Variants in CD44 observed in about 807,000 individuals in gnomAD.
CD44 encodes CD44 molecule (IN blood group), also known as CD44 antigen.
CD44 carries 49 observed loss-of-function variants against 88.8 expected under a neutral mutation model. That is an observed-to-expected ratio of 0.55 (90% confidence interval 0.44 to 0.70). The LOEUF (loss-of-function observed/expected upper bound fraction) is 0.70, where lower values mean the gene tolerates loss of function less well. Ranked by LOEUF, CD44 falls within the 30% of genes least tolerant of loss-of-function variation. The pLI is 0.00. For synonymous variants in CD44, 325 were observed against 312.3 expected, an observed-to-expected ratio of 1.04 and a Z score of -0.43; for missense variants, 883 against 913.8, an observed-to-expected ratio of 0.97 and a Z score of 0.43.
rs116582562 is a variant in CD44 at position 35,201,269 on chromosome 11, G to A, written c.1036+74G>A. On this transcript the variant is annotated intron_variant, in intron 8 of 17. Coordinates refer to ENST00000428726, the MANE Select transcript of CD44 (RefSeq NM_000610.4). ...CATGATGCTGCAAAGGTCAATCATC[G>A]AGGCACAGTGGGAAATTTAGTTAAT... is the stretch of plus-strand genomic sequence containing the variant. 1.0e-4 allele frequency: 102 copies of A among 1,021,432 alleles called. No individual in the cohort carries two copies. In the African/African-American group the frequency reaches 1.5e-3, roughly 15 times the overall value. 63.3% of individuals were successfully genotyped at this position (1,021,432 alleles called of 1,614,324 possible).
chr11:35,219,174 C>A, intron 15 of CD44, 142 bp from the exon 16 acceptor site: 1 of 656,730 alleles, frequency 1.5e-6, no homozygotes. Context: ...TTGTGTAATG[C>A]TTTATAAACA....
chr11:35,204,866 G>A (rs1947677040), intron 10 of CD44: 1 of 455,602 alleles, frequency 2.2e-6, no homozygotes, highest in South Asian at 2.5e-5. Context: ...AGGAAACACA[G>A]AGAAAATGCC....
At chr11:35,163,873 G>T (rs1590985263) in intron 1 of CD44, among the ~76,000 whole-genome samples, 2 of 152,164 alleles carry the variant, frequency 1.3e-5, no homozygotes, top group African/African-American at 4.8e-5. Context: ...CCCTGAGAAA[G>T]AAGAGATTTG....
rs948457572 is a variant in CD44, at chr11:35,218,794, A to G, written c.1874-522A>G. 4.5e-5 allele frequency: 7 copies of G among 154,142 alleles called. No individual in the cohort carries two copies. The South Asian group carries it at 8.1e-4, about 18-fold the overall frequency. The allele number at this position is 154,142 out of a possible 1,614,324, so 9.5% of individuals were successfully genotyped here. Reference sequence around the variant, plus strand: ...TGCATTTCTAGCGATCTCCCCAGGTATGCCTGTCCTGATGGTCTGAGAGCC... The same window carrying G: ...TGCATTTCTAGCGATCTCCCCAGGTGTGCCTGTCCTGATGGTCTGAGAGCC... On this transcript the variant is annotated intron_variant, in intron 15 of 17. Transcript: ENST00000428726.
chr11:35,187,806 A>G (rs1479225345), intron 4 of CD44, among the ~76,000 whole-genome samples: 1 of 152,226 alleles, frequency 6.6e-6, no homozygotes. Flanking sequence ...GTGTTTTGAC[A>G]TTGTTTATAC....
intron 5 of CD44, among the ~76,000 whole-genome samples, chr11:35,195,609 G>C (rs11825862): frequency 2.4e-3 from 360 of 152,020 alleles, no homozygotes; most frequent in African/African-American, 8.3e-3. Flanking sequence ...TTTGTTTGGG[G>C]ATGATGGTTT....
At chr11:35,209,595 A>G (rs183719275) in intron 12 of CD44, among the ~76,000 whole-genome samples, 16 of 152,250 alleles carry the variant, frequency 1.1e-4, no homozygotes, top group Non-Finnish European at 2.1e-4. Context: ...GGTTACTGAT[A>G]GGAGCATTGG....
At position 35,176,743 on chromosome 11, in the gene CD44, A is replaced by G. The variant is rs778704529; in HGVS notation, c.233+3A>G. ...AGCATCGGATTTGAGACCTGCAGGT[A>G]AGAGACCAGCACCCGACCACTGGGG... On this transcript the variant is annotated splice_donor_region_variant and intron_variant, in intron 2 of 17. Coordinates refer to ENST00000428726, the MANE Select transcript of CD44 (RefSeq NM_000610.4). 1.6e-5 allele frequency: 26 copies of G among 1,613,272 alleles called. No homozygotes were observed. The highest frequency in any genetic ancestry group is 5.0e-5 in the Admixed American group (3 of 59,886).
At chr11:35,206,057 C>T (rs758134800) in intron 10 of CD44, 55 bp from the exon 11 acceptor site, 2 of 1,546,066 alleles carry the variant, frequency 1.3e-6, no homozygotes, top group Non-Finnish European at 8.7e-7. Context: ...ATCGGTGTAT[C>T]CCTGACCAAG....
chr11:35,210,748 G>A (rs1272997830), intron 13 of CD44: 1 of 162,428 alleles, frequency 6.2e-6, no homozygotes, highest in Admixed American at 5.8e-5. Flanking sequence ...GACCTCCATG[G>A]TGCTGATGAC....
rs568326642 is a variant in CD44, at chr11:35,142,297, A to T, written c.67+2927A>T. Among the ~76,000 whole-genome samples, 3 of 152,242 alleles carry T rather than the reference A, an allele frequency of 2.0e-5. No individual in the cohort carries two copies. In the East Asian group the frequency reaches 5.8e-4, roughly 29 times the overall value. On this transcript the variant is annotated intron_variant, in intron 1 of 17. Transcript: ENST00000428726. ...TACCATTTGACCCAGCCATCCCATT[A>T]CTGGGTATATACCCAAAGGACTACA...
chr11:35,160,129 C>T (rs113852408), intron 1 of CD44, among the ~76,000 whole-genome samples: 26 of 152,296 alleles, frequency 1.7e-4, no homozygotes, highest in African/African-American at 6.3e-4. Context: ...CAGTTGGGGG[C>T]CACTCAGCAG....
chr11:35,219,355 C>T lies in CD44; in HGVS notation c.1913C>T (p.Thr638Ile), dbSNP rs939774378. 1 of 1,613,736 alleles carries T rather than the reference C, an allele frequency of 6.2e-7. No homozygotes were observed. The highest frequency in any genetic ancestry group is 8.5e-7 in the Non-Finnish European group (1 of 1,179,852). The change falls in exon 16 of 18, where the codon ACC becomes ATC. Residue 638 changes from threonine to isoleucine, a missense_variant. Physicochemically the swap from Thr to Ile is moderately conservative, Grantham distance 89. This residue lies in a region of CD44 where 631 missense variants were observed against 590.9 expected (regional missense o/e 1.07). Transcript: ENST00000428726. The stretch of plus-strand genomic sequence containing the variant: ...AGTCAAGAAGGTGGAGCAAACACAA[C>T]CTCTGGTCCTATAAGGACACCCCAA... ...HGSQEGGANT[T>I]SGPIRTPQIP...
intron 3 of CD44, among the ~76,000 whole-genome samples, chr11:35,182,621 T>C (rs1009726337): frequency 6.6e-6 from 1 of 152,090 alleles, no homozygotes; most frequent in African/African-American, 2.4e-5. Context: ...TATAAAAAAG[T>C]AAGAAATAGA....
chr11:35,148,185 C>G (rs536719633), intron 1 of CD44, among the ~76,000 whole-genome samples: 1 of 152,150 alleles, frequency 6.6e-6, no homozygotes, highest in Non-Finnish European at 1.5e-5. Flanking sequence ...TCTGCCCAAG[C>G]CCCCAGCTCT....
At chr11:35,141,734 T>C (rs1050749104) in intron 1 of CD44, among the ~76,000 whole-genome samples, 4 of 152,312 alleles carry the variant, frequency 2.6e-5, no homozygotes, top group Admixed American at 1.3e-4. Context: ...TACAATGAAG[T>C]GCCAGTAGCA....
At chr11:35,194,179 T>G (rs10128562) in intron 5 of CD44, among the ~76,000 whole-genome samples, 72,783 of 152,008 alleles carry the variant, frequency 0.48, 18,031 homozygotes, top group East Asian at 0.77. Context: ...GCTTTGATCA[T>G]GAATTCAGGG....
intron 12 of CD44, 35 bp downstream of exon 12, chr11:35,208,241 T>G: frequency 1.5e-6 from 2 of 1,347,954 alleles, no homozygotes; most frequent in Non-Finnish European, 1.1e-6. Flanking sequence ...TTTATTGACT[T>G]GTATTCCTGC....
chr11:35,214,629 T>G (rs1410123310), intron 14 of CD44: 5 of 382,716 alleles, frequency 1.3e-5, no homozygotes, highest in Non-Finnish European at 1.9e-5. Flanking sequence ...TGCCCCAGTT[T>G]CCTTAATTCT....
Sources: allele counts gnomAD v4.1 joint callset (sites outside exome capture counted in the v4.1 genomes callset), GRCh38; gene constraint gnomAD v4.1.1; regional missense constraint gnomAD v4.1.1; transcripts MANE v1.5; gene names NCBI Gene and HGNC (gene_info 2026-07-23, HGNC 2026-07-21).